Variants in ADAMDEC1 observed in about 807,000 individuals in gnomAD.
ADAMDEC1 encodes ADAM like decysin 1, also known as ADAM DEC1.
A neutral mutation model predicts 60.4 loss-of-function variants in ADAMDEC1; 62 were observed. The observed-to-expected ratio is 1.03, with a 90% CI of 0.84 to 1.27. The LOEUF (loss-of-function observed/expected upper bound fraction) is 1.27. Ranked by LOEUF, ADAMDEC1 falls within the 50% of genes most tolerant of loss-of-function variation. The probability of loss-of-function intolerance (pLI) is 0.00; values close to 1 mark genes in which losing one functional copy is unlikely to be tolerated. For missense variants in ADAMDEC1, 595 were observed against 565.0 expected (o/e 1.05, Z -0.54); for synonymous variants, 210 against 195.1 (o/e 1.08, Z -0.64).
Position 24,398,487 on chromosome 8 carries a change from A to G in ADAMDEC1, c.698A>G (p.Asn233Ser). The change falls in exon 8 of 14, where the codon AAC (asparagine) becomes AGC (serine). Residue 233 changes from asparagine (N) to serine (S), a missense_variant. Coordinates refer to ENST00000256412, the MANE Select transcript of ADAMDEC1 (RefSeq NM_014479.3). ...YLVLDNAFYKNYNENLTLIRS... is the reference protein window; with the variant it reads ...YLVLDNAFYKSYNENLTLIRS... ...GTGTTTTGTATTTTACAGTATAAGA[A>G]CTATAATGAGAATCTAACTCTGATA... 6.3e-7 allele frequency: 1 copy of G among 1,579,250 alleles called. No individual in the cohort carries two copies. Among genetic ancestry groups the G allele is most frequent in the African/African-American group, 1.4e-5 (1 of 73,996 alleles).
At chr8:24,387,669 T>C (rs548982359) in intron 1 of ADAMDEC1, 9 of 152,352 alleles carry the variant, frequency 5.9e-5, no homozygotes, top group African/African-American at 2.2e-4. Context: ...GCTGTTGAGC[T>C]GTTAACTGTT....
chr8:24,405,219 A>C, intron 13 of ADAMDEC1, 73 bp from the exon 14 acceptor site: 1 of 1,354,192 alleles, frequency 7.4e-7, no homozygotes, highest in South Asian at 1.2e-5. Flanking sequence ...ATACATTTTC[A>C]TTATCATTAT....
At chr8:24,392,870 C>G (rs181283733) in intron 2 of ADAMDEC1, among the ~76,000 whole-genome samples, 2 of 64,878 alleles carry the variant, frequency 3.1e-5, no homozygotes, top group East Asian at 8.6e-4. Context: ...TTACCTAATT[C>G]TTAGTGGGTT....
chr8:24,394,428 C>T (rs1023878410), intron 4 of ADAMDEC1, among the ~76,000 whole-genome samples: 10 of 152,142 alleles, frequency 6.6e-5, no homozygotes, highest in Non-Finnish European at 1.0e-4. Context: ...CTCCCTAGAC[C>T]ATTTTATCCA....
chr8:24,396,324 C>A (rs1273696590), intron 5 of ADAMDEC1, among the ~76,000 whole-genome samples: 2 of 152,088 alleles, frequency 1.3e-5, no homozygotes, highest in African/African-American at 4.8e-5. Context: ...TCCTGGCTAA[C>A]ACGGTGAAAC....
In ADAMDEC1 at chr8:24,393,311, A is replaced by C. The variant is rs1817498978; in HGVS notation, c.257A>C (p.Glu86Ala). 6.2e-7 allele frequency: 1 copy of C among 1,606,110 alleles called. No homozygotes were observed. Among genetic ancestry groups the C allele is most frequent in the Non-Finnish European group, 8.5e-7 (1 of 1,175,142 alleles). ...TATCAGATGATCTTAAATGGAGAAG[A>C]AATCATTCTCTCCCTACAAAAAACC... The part of the protein sequence containing the change: ...VQYQMILNGE[E>A]IILSLQKTKH... The change falls in exon 3 of 14, where the codon GAA becomes GCA. Residue 86 changes from glutamate to alanine, a missense_variant. Glu to Ala is a moderately radical substitution (Grantham distance 107, BLOSUM62 -1). Transcript: ENST00000256412.
rs772080208 is a variant in ADAMDEC1 at position 24,397,702 on chromosome 8, C to T, written c.647C>T (p.Ala216Val). Residue 216 changes from alanine to valine, a missense_variant, in exon 7 of 14, where the codon GCA (alanine) becomes GTA (valine). Ala to Val is a moderately conservative substitution (Grantham distance 64). Transcript: ENST00000256412. Reference protein sequence around the residue: ...KSPEKEDFLRAQKYIDLYLVL... With the variant: ...KSPEKEDFLRVQKYIDLYLVL... ...GTAAAGAAAGAAGACTTTCTTCGGG[C>T]ACAGAAATACATTGATCTCTATTTG... 4 of 1,613,226 alleles carry T rather than the reference C, an allele frequency of 2.5e-6. No homozygotes were observed. The South Asian group carries it at 4.4e-5, about 18-fold the overall frequency.
chr8:24,399,107 G>T, intron 9 of ADAMDEC1, 67 bp downstream of exon 9: 2 of 1,504,952 alleles, frequency 1.3e-6, no homozygotes, highest in South Asian at 1.3e-5. Flanking sequence ...CCTTAGCAGG[G>T]ATTTCCACTC....
chr8:24,399,864 T>C (rs1354400397), intron 10 of ADAMDEC1, among the ~76,000 whole-genome samples: 2 of 152,188 alleles, frequency 1.3e-5, no homozygotes, highest in Admixed American at 6.5e-5. Context: ...ATAGGTATCA[T>C]AGCAATAGGT....
At position 24,392,130 on chromosome 8, in the gene ADAMDEC1, AATG is replaced by A. The variant is rs540936800; in HGVS notation, c.89-131_89-129del. On this transcript the variant is annotated intron_variant, in intron 1 of 13. Coordinates refer to ENST00000256412, the MANE Select transcript of ADAMDEC1 (RefSeq NM_014479.3). ...GAACGACAATTAACTTGTTATTCAT[AATG>A]TTTGCTCTCTACATAGGAATGTAGT... The A allele has an allele frequency of 1.2e-4, 63 of 527,236 alleles. 1 individual carries two copies. The South Asian group carries it at 2.5e-3, about 21-fold the overall frequency. The allele number at this position is 527,236 out of a possible 1,614,324, so 32.7% of individuals were successfully genotyped here. A position where few individuals can be genotyped will look rare whatever the true frequency, so the allele number is the denominator to read the frequency against.
rs141208943 is a variant in ADAMDEC1 at position 24,384,518 on chromosome 8, T to G, written c.14T>G (p.Ile5Ser). Residue 5 changes from isoleucine (I) to serine (S), a missense_variant, in exon 1 of 14, where the codon ATC becomes AGC. Ile to Ser is a moderately radical substitution (Grantham distance 142). Coordinates refer to ENST00000256412, the MANE Select transcript of ADAMDEC1 (RefSeq NM_014479.3). MLRG[I>S]SQLPAVATMS... The stretch of plus-strand genomic sequence containing the variant: ...GACCACAACTTCATGCTGCGTGGGA[T>G]CTCCCAGCTACCTGCAGTGGCCACC... 5 of 1,608,546 alleles carry G rather than the reference T, an allele frequency of 3.1e-6. No individual in the cohort carries two copies. Among genetic ancestry groups the G allele is most frequent in the Non-Finnish European group, 4.2e-6 (5 of 1,177,344 alleles).
chr8:24,397,216 A>T (rs1264314484), intron 5 of ADAMDEC1, 54 bp from the exon 6 acceptor site: 1 of 1,536,766 alleles, frequency 6.5e-7, no homozygotes, highest in African/African-American at 1.4e-5. Context: ...TCTTGGAAGC[A>T]AATATGACAC....
intron 12 of ADAMDEC1, among the ~76,000 whole-genome samples, chr8:24,402,807 C>T (rs1446234413): frequency 1.3e-5 from 2 of 152,212 alleles, no homozygotes; most frequent in East Asian, 3.9e-4. Context: ...GAAATTTTAG[C>T]TGGTTAGATT....
rs576249573 is a variant in ADAMDEC1 at position 24,392,355 on chromosome 8, A to C, written c.182A>C (p.Asn61Thr). 5.0e-6 allele frequency: 8 copies of C among 1,611,404 alleles called. No homozygotes were observed. In the African/African-American group the frequency reaches 8.0e-5, roughly 16 times the overall value. ...TTACACAAAAGAGAGATCAAGAACA[A>C]CCAGACAGAAAAGCATGGCAAAGAG... ...HILHKREIKN[N>T]QTEKHGKEER... The change falls in exon 2 of 14, where the codon AAC (asparagine) becomes ACC (threonine). Residue 61 changes from asparagine to threonine, a missense_variant. Physicochemically the swap from Asn to Thr is moderately conservative, Grantham distance 65. Coordinates refer to ENST00000256412, the MANE Select transcript of ADAMDEC1 (RefSeq NM_014479.3).
chr8:24,393,307 G>C lies in ADAMDEC1; in HGVS notation c.253G>C (p.Glu85Gln), dbSNP rs751576237. 4 of 1,605,746 alleles carry C rather than the reference G, an allele frequency of 2.5e-6. No individual in the cohort carries two copies. In the Admixed American group the frequency reaches 5.1e-5, roughly 20 times the overall value. Residue 85 changes from glutamate (E) to glutamine (Q), a missense_variant, in exon 3 of 14, where the codon GAA becomes CAA. Physicochemically the swap from Glu to Gln is conservative, Grantham distance 29. Transcript: ENST00000256412. The stretch of plus-strand genomic sequence containing the variant: ...TCAATATCAGATGATCTTAAATGGA[G>C]AAGAAATCATTCTCTCCCTACAAAA... ...EVQYQMILNG[E>Q]EIILSLQKTK...
intron 12 of ADAMDEC1, 84 bp from the exon 13 acceptor site, chr8:24,403,919 C>A (rs1817825150): frequency 4.7e-6 from 5 of 1,065,414 alleles, no homozygotes; most frequent in South Asian, 1.5e-5. Flanking sequence ...ACTTTCATTG[C>A]CATCTTGTGC....
At chr8:24,402,663 C>A (rs901118739) in intron 12 of ADAMDEC1, among the ~76,000 whole-genome samples, 2 of 152,116 alleles carry the variant, frequency 1.3e-5, no homozygotes, top group African/African-American at 4.8e-5. Context: ...CTAGCAATCC[C>A]ATTGCCTTCT....
intron 1 of ADAMDEC1, among the ~76,000 whole-genome samples, chr8:24,388,944 C>A (rs897514412): frequency 6.6e-6 from 1 of 152,040 alleles, no homozygotes; most frequent in Non-Finnish European, 1.5e-5. Flanking sequence ...ATGGTGGATC[C>A]CTATTCCATT....
Position 24,400,233 on chromosome 8 carries a change from G to T in ADAMDEC1, c.1075G>T (p.Gly359Cys). The change falls in exon 11 of 14, where the codon GGT (glycine) becomes TGT (cysteine). Residue 359 changes from glycine (G) to cysteine (C), a missense_variant. Physicochemically the swap from Gly to Cys is radical, Grantham distance 159. Transcript: ENST00000256412. ...VMSHELGHVLGMPDVPFNTKC... is the reference protein window; with the variant it reads ...VMSHELGHVLCMPDVPFNTKC... ...GTCACATGAGCTGGGCCATGTCCTT[G>T]GTATGCCTGATGTTCCATTCAACAC... The T allele has an allele frequency of 6.2e-7, 1 of 1,612,252 alleles. No individual in the cohort carries two copies. Among genetic ancestry groups the T allele is most frequent in the South Asian group, 1.1e-5 (1 of 90,870 alleles).
Sources: gnomAD v4.1 joint callset for allele counts (sites outside exome capture counted in the v4.1 genomes callset) on GRCh38, gnomAD v4.1.1 for gene constraint, MANE v1.5 for transcripts, NCBI Gene and HGNC (gene_info 2026-07-23, HGNC 2026-07-21) for gene names.